Variants in WWOX observed in about 807,000 individuals in gnomAD.
The protein encoded by WWOX is WW domain-containing oxidoreductase.
A neutral mutation model predicts 46.2 loss-of-function variants in WWOX; 69 were observed. That is an observed-to-expected ratio of 1.49 (90% confidence interval 1.23 to 1.82). The LOEUF (loss-of-function observed/expected upper bound fraction) is 1.82, where lower values mean the gene tolerates loss of function less well. WWOX is among the 40% of genes most tolerant of loss of function. The pLI, the probability that WWOX is intolerant of heterozygous loss-of-function variation, is 0.00. For synonymous variants in WWOX, 359 were observed against 202.6 expected (o/e 1.77, Z -6.56); for missense variants, 919 against 542.6 (o/e 1.69, Z -6.89).
chr16:78,983,121 T>A (rs1388735298), intron 8 of WWOX, among the ~76,000 whole-genome samples: 1 of 152,170 alleles, frequency 6.6e-6, no homozygotes, highest in Non-Finnish European at 1.5e-5. Context: ...GAGAATAGCA[T>A]CCAAACATCT....
At chr16:78,423,654 T>C (rs184895762) in intron 6 of WWOX, among the ~76,000 whole-genome samples, 164 of 152,008 alleles carry the variant, frequency 1.1e-3, no homozygotes, top group African/African-American at 3.7e-3. Context: ...TTGGGCAACA[T>C]AGGGGGAGCC....
chr16:78,740,466 G>T (rs1384700688), intron 8 of WWOX, among the ~76,000 whole-genome samples: 1 of 152,182 alleles, frequency 6.6e-6, no homozygotes, highest in Non-Finnish European at 1.5e-5. Context: ...AGGGAAGGCA[G>T]CCTTGGAAAA....
At chr16:78,971,540 G>A (rs964354106) in intron 8 of WWOX, among the ~76,000 whole-genome samples, 2 of 151,638 alleles carry the variant, frequency 1.3e-5, no homozygotes, top group Non-Finnish European at 2.9e-5. Flanking sequence ...AGAGAATGGA[G>A]CACTCTAATG....
chr16:78,914,594 A>G (rs1253184063), intron 8 of WWOX, among the ~76,000 whole-genome samples: 4 of 151,870 alleles, frequency 2.6e-5, no homozygotes, highest in Non-Finnish European at 4.4e-5. Context: ...TAAGAGGGAA[A>G]CCAGGCCGGG....
At chr16:78,537,961 A>G (rs1330111014) in intron 8 of WWOX, among the ~76,000 whole-genome samples, 3 of 152,120 alleles carry the variant, frequency 2.0e-5, no homozygotes, top group African/African-American at 7.2e-5. Flanking sequence ...AGGCCTGCTG[A>G]TAATCAGTAA....
intron 5 of WWOX, among the ~76,000 whole-genome samples, chr16:78,165,153 G>A (rs539277969): frequency 8.5e-5 from 13 of 152,282 alleles, no homozygotes; most frequent in Admixed American, 2.6e-4. Context: ...CTGAGATAGC[G>A]GTGAGGAAGA....
chr16:78,810,100 G>C (rs984438152), intron 8 of WWOX, among the ~76,000 whole-genome samples: 1 of 152,180 alleles, frequency 6.6e-6, no homozygotes, highest in Non-Finnish European at 1.5e-5. Context: ...CTAAACCAGT[G>C]AATTAAGAGT....
intron 8 of WWOX, among the ~76,000 whole-genome samples, chr16:79,022,202 G>A (rs1026134473): frequency 1.3e-5 from 2 of 152,166 alleles, no homozygotes; most frequent in African/African-American, 4.8e-5. Context: ...CAAAGACTGG[G>A]GATGGAGCTT....
chr16:78,768,166 C>T (rs938838328), intron 8 of WWOX, among the ~76,000 whole-genome samples: 2 of 139,234 alleles, frequency 1.4e-5, no homozygotes, highest in Non-Finnish European at 3.1e-5. Flanking sequence ...GCGGGGGGGT[C>T]GGTTATTTTA....
chr16:79,143,210 C>G lies in WWOX; in HGVS notation c.1057-68398C>G, dbSNP rs75415282. Among the ~76,000 whole-genome samples, 671 of 152,308 alleles carry G rather than the reference C, an allele frequency of 4.4e-3. 5 individuals are homozygous for G. Among genetic ancestry groups the G allele is most frequent in the Middle Eastern group, 0.024 (7 of 294 alleles). ...TAGTTTCTCTCAAAGAATGTCAATC[C>G]TATTGTCTTTCCCTGCTTCCCCCTC... is the stretch of plus-strand genomic sequence containing the variant. On this transcript the variant is annotated intron_variant, in intron 8 of 8. Coordinates refer to ENST00000566780, the MANE Select transcript of WWOX (RefSeq NM_016373.4).
intron 8 of WWOX, among the ~76,000 whole-genome samples, chr16:78,518,063 C>G (rs188728340): frequency 1.2e-4 from 19 of 152,012 alleles, no homozygotes; most frequent in African/African-American, 4.3e-4. Context: ...ATGCTTGGAG[C>G]TTCAGTTTCC....
At chr16:78,578,258 A>ATATATATATATATATATATT (rs1555567057) in intron 8 of WWOX, among the ~76,000 whole-genome samples, 23 of 23,304 alleles carry the variant, frequency 9.9e-4, no homozygotes, top group African/African-American at 2.8e-3. Flanking sequence ...CAAATTTTAT[A>ATATATATATATATATATATT]TATATATATA....
intron 8 of WWOX, among the ~76,000 whole-genome samples, chr16:78,879,900 A>T (rs1056495678): frequency 1.3e-5 from 2 of 151,810 alleles, no homozygotes; most frequent in African/African-American, 2.4e-5. Context: ...GAAGAAGAAG[A>T]AGTAATTCCT....
Position 78,254,953 on chromosome 16 carries a change from A to G in WWOX, c.516+90664A>G, listed in dbSNP as rs191321355. Among the ~76,000 whole-genome samples the G allele has an allele frequency of 1.1e-4, 16 of 152,288 alleles. No homozygotes were observed. The East Asian group carries it at 2.9e-3, about 28-fold the overall frequency. On this transcript the variant is annotated intron_variant, in intron 5 of 8. Coordinates refer to ENST00000566780, the MANE Select transcript of WWOX (RefSeq NM_016373.4). ...GGGAGCACATCTTGGTCTGCCTGGT[A>G]TGGAGGGCTGGGAGGAGGATTGCAG...
chr16:78,438,135 A>G (rs1205412904), intron 8 of WWOX, among the ~76,000 whole-genome samples: 1 of 152,234 alleles, frequency 6.6e-6, no homozygotes, highest in East Asian at 1.9e-4. Context: ...CCATTTTCCC[A>G]GATACCACGA....
At chr16:78,131,434 T>C (rs570092964) in intron 4 of WWOX, among the ~76,000 whole-genome samples, 1 of 152,138 alleles carries the variant, frequency 6.6e-6, no homozygotes, top group Non-Finnish European at 1.5e-5. Context: ...ATGCTGGTCT[T>C]GAACTCGTGG....
At chr16:78,528,819 G>T (rs1423963221) in intron 8 of WWOX, among the ~76,000 whole-genome samples, 1 of 152,044 alleles carries the variant, frequency 6.6e-6, no homozygotes, top group Non-Finnish European at 1.5e-5. Context: ...ATTAAGGATT[G>T]GTAGAAATCA....
At chr16:78,989,585 C>A (rs1005543342) in intron 8 of WWOX, among the ~76,000 whole-genome samples, 4 of 152,104 alleles carry the variant, frequency 2.6e-5, no homozygotes, top group African/African-American at 9.7e-5. Flanking sequence ...CAGAAAAAGA[C>A]TTGTGTTTGG....
At chr16:78,212,953 T>C (rs1597358772) in intron 5 of WWOX, among the ~76,000 whole-genome samples, 1 of 152,104 alleles carries the variant, frequency 6.6e-6, no homozygotes, top group Admixed American at 6.5e-5. Flanking sequence ...TAAGGGGCTG[T>C]GCTTTAAAGT....
Sources: gnomAD v4.1 joint callset for allele counts (sites outside exome capture counted in the v4.1 genomes callset) on GRCh38, gnomAD v4.1.1 for gene constraint, MANE v1.5 for transcripts, NCBI Gene and HGNC (gene_info 2026-07-23, HGNC 2026-07-21) for gene names.